DPYS: variants seen among roughly 807,000 people sequenced by gnomAD.
The protein encoded by DPYS is dihydropyrimidinase, also known as dihydropyrimidine amidohydrolase.
DPYS carries 39 observed loss-of-function variants against 50.3 expected under a neutral mutation model. The ratio of observed to expected loss-of-function variants is 0.78; its 90% CI spans 0.60 to 1.01. The LOEUF is 1.01. Among genes scored for constraint, DPYS ranks in the 50% least tolerant of loss-of-function variants. The pLI is 0.00. For synonymous variants in DPYS, 245 were observed against 250.7 expected (o/e 0.98, Z 0.22); for missense variants, 659 against 680.9 (o/e 0.97, Z 0.36).
At chr8:104,429,733 T>C (rs182619604) in intron 4 of DPYS, 32 bp from the exon 5 acceptor site, 1 of 1,613,680 alleles carries the variant, frequency 6.2e-7, no homozygotes, top group East Asian at 2.2e-5. Context: ...TTCATCACTT[T>C]AATTTTATTC....
chr8:104,433,354 T>C (rs1468295610), intron 4 of DPYS, among the ~76,000 whole-genome samples: 3 of 152,164 alleles, frequency 2.0e-5, no homozygotes, highest in African/African-American at 7.2e-5. Flanking sequence ...TGCTATGCAA[T>C]TGGATATAAT....
In DPYS at chr8:104,381,270, T is replaced by A. The variant is rs1304729213; in HGVS notation, c.1488A>T (p.Glu496Asp). 2 of 1,614,194 alleles carry A rather than the reference T, an allele frequency of 1.2e-6. No individual in the cohort carries two copies. Among genetic ancestry groups the A allele is most frequent in the Admixed American group, 1.7e-5 (1 of 60,026 alleles). Residue 496 changes from glutamate (E) to aspartate (D), a missense_variant, in exon 9 of 10, where the codon GAA becomes GAT. Glu to Asp is a conservative substitution (Grantham distance 45, BLOSUM62 2). Transcript: ENST00000351513. ...TPVERAPYKG[E>D]VATLKSRVTK... ...TCACTCTGGATTTCAGTGTGGCGAC[T>A]TCTCCCTTATAGGGTGCACGCTCCA...
At chr8:104,453,428 A>G (rs1813822623) in intron 1 of DPYS, among the ~76,000 whole-genome samples, 1 of 152,240 alleles carries the variant, frequency 6.6e-6, no homozygotes, top group African/African-American at 2.4e-5. Flanking sequence ...TTGAGGATGA[A>G]GGACATTTTT....
chr8:104,409,736 C>G (rs560287837), intron 7 of DPYS, among the ~76,000 whole-genome samples: 3 of 152,312 alleles, frequency 2.0e-5, no homozygotes, highest in Admixed American at 6.5e-5. Flanking sequence ...TAAAGTTCTA[C>G]TATATGCCAG....
At chr8:104,407,287 A>G (rs956400870) in intron 7 of DPYS, among the ~76,000 whole-genome samples, 5 of 152,242 alleles carry the variant, frequency 3.3e-5, no homozygotes, top group Non-Finnish European at 7.3e-5. Flanking sequence ...GTCTCTCACT[A>G]TAAGTGATCC....
chr8:104,452,832 C>A (rs1355963676), intron 1 of DPYS, among the ~76,000 whole-genome samples: 2 of 152,158 alleles, frequency 1.3e-5, no homozygotes, highest in African/African-American at 4.8e-5. Flanking sequence ...CAGAGAGAGA[C>A]CCTGTCTCAA....
chr8:104,438,805 G>A (rs76061878), intron 4 of DPYS, among the ~76,000 whole-genome samples: 2,024 of 152,194 alleles, frequency 0.013, 42 homozygotes, highest in African/African-American at 0.046. Flanking sequence ...ATGTCAGGCT[G>A]GGCGTGGTGG....
intron 7 of DPYS, chr8:104,419,911 T>C (rs1233044212): frequency 6.6e-6 from 1 of 152,220 alleles, no homozygotes; most frequent in Non-Finnish European, 1.5e-5. Flanking sequence ...GGATCATTAA[T>C]TGTGACAAGT....
At chr8:104,405,614 G>C (rs901433930) in intron 7 of DPYS, among the ~76,000 whole-genome samples, 1 of 152,216 alleles carries the variant, frequency 6.6e-6, no homozygotes, top group East Asian at 1.9e-4. Context: ...TAGCAACTAA[G>C]TTGTATGGTT....
chr8:104,407,871 T>C (rs892265186), intron 7 of DPYS, among the ~76,000 whole-genome samples: 4 of 152,334 alleles, frequency 2.6e-5, no homozygotes, highest in African/African-American at 7.2e-5. Flanking sequence ...GGGTTTCCTA[T>C]GTCCAGAATC....
chr8:104,417,446 T>C (rs1402486197), intron 7 of DPYS, among the ~76,000 whole-genome samples: 2 of 152,218 alleles, frequency 1.3e-5, no homozygotes, highest in African/African-American at 2.4e-5. Context: ...ATCTCTGTCT[T>C]GACCACATGA....
At chr8:104,399,890 A>G (rs1371942838) in intron 7 of DPYS, among the ~76,000 whole-genome samples, 2 of 150,268 alleles carry the variant, frequency 1.3e-5, no homozygotes, top group African/African-American at 4.9e-5. Context: ...AAAAAAAAAA[A>G]GAAAGAAACT....
intron 5 of DPYS, 137 bp downstream of exon 5, chr8:104,429,408 G>T: frequency 9.1e-7 from 1 of 1,102,458 alleles, no homozygotes; most frequent in Admixed American, 2.0e-5. Flanking sequence ...CTGCAGGTGA[G>T]GGGTACCCAG....
chr8:104,460,251 CA>C (rs2140769110), intron 1 of DPYS, among the ~76,000 whole-genome samples: 1 of 152,226 alleles, frequency 6.6e-6, no homozygotes, highest in Non-Finnish European at 1.5e-5. Flanking sequence ...TTGTAATCCC[CA>C]ATGTTGGGGG....
chr8:104,407,065 T>C (rs1320186910), intron 7 of DPYS, among the ~76,000 whole-genome samples: 1 of 152,280 alleles, frequency 6.6e-6, no homozygotes, highest in Non-Finnish European at 1.5e-5. Context: ...AGGAAAAGTA[T>C]TCCATTGGAG....
intron 7 of DPYS, among the ~76,000 whole-genome samples, chr8:104,415,663 A>T (rs377764927): frequency 9.2e-5 from 14 of 152,054 alleles, no homozygotes; most frequent in East Asian, 5.8e-4. Flanking sequence ...TTCACTGCTA[A>T]TAATTTTTAA....
At chr8:104,397,875 G>T (rs1811645035) in intron 7 of DPYS, among the ~76,000 whole-genome samples, 1 of 152,180 alleles carries the variant, frequency 6.6e-6, no homozygotes, top group Non-Finnish European at 1.5e-5. Flanking sequence ...TTTAAAAATT[G>T]TGGTACATTT....
intron 7 of DPYS, among the ~76,000 whole-genome samples, chr8:104,414,594 T>C (rs964175103): frequency 6.6e-6 from 1 of 152,180 alleles, no homozygotes; most frequent in Non-Finnish European, 1.5e-5. Context: ...TGCCTCCAAA[T>C]AGACTTCCAC....
At chr8:104,457,686 C>G (rs966513883) in intron 1 of DPYS, among the ~76,000 whole-genome samples, 1 of 152,186 alleles carries the variant, frequency 6.6e-6, no homozygotes, top group Non-Finnish European at 1.5e-5. Flanking sequence ...TTCTAGCTCT[C>G]TCACAATCAC....
Sources: allele counts gnomAD v4.1 joint callset (sites outside exome capture counted in the v4.1 genomes callset), GRCh38; gene constraint gnomAD v4.1.1; transcripts MANE v1.5; gene names NCBI Gene and HGNC (gene_info 2026-07-23, HGNC 2026-07-21).